Variants in OBSL1 observed in about 807,000 individuals in gnomAD.
OBSL1 encodes obscurin like cytoskeletal adaptor 1.
A neutral mutation model predicts 172.0 loss-of-function variants in OBSL1; 160 were observed. That is an observed-to-expected ratio of 0.93 (90% CI 0.82 to 1.06). The LOEUF is 1.06. OBSL1 is among the 50% of genes least tolerant of loss of function. The pLI is 0.00. For missense variants in OBSL1, 2,681 were observed against 2,715.4 expected (o/e 0.99, Z 0.28); for synonymous variants, 1,200 against 1,196.3 (o/e 1.00, Z -0.06).
chr2:219,570,710 T>C lies in OBSL1; in HGVS notation c.523A>G (p.Ser175Gly), dbSNP rs758138350. 5 of 1,510,478 alleles carry C rather than the reference T, an allele frequency of 3.3e-6. No individual in the cohort carries two copies. Among genetic ancestry groups the C allele is most frequent in the Non-Finnish European group, 4.4e-6 (5 of 1,136,060 alleles). 93.6% of individuals were successfully genotyped at this position (1,510,478 alleles called of 1,614,324 possible). The change falls in exon 1 of 21, where the codon AGC (serine) becomes GGC (glycine). Residue 175 changes from serine (S) to glycine (G), a missense_variant. By Grantham distance (56) the Ser-to-Gly change is moderately conservative. Coordinates refer to ENST00000404537, the MANE Select transcript of OBSL1 (RefSeq NM_015311.3). ...GMALDEVWDS[S>G]HFALQPGRAE... Reference sequence around the variant, plus strand: ...CGGCCCGGCTGGAGCGCGAAGTGGCTGCTGTCCCACACTTCGTCCAGGGCC... The same window carrying C: ...CGGCCCGGCTGGAGCGCGAAGTGGCCGCTGTCCCACACTTCGTCCAGGGCC...
At chr2:219,550,350 T>A (rs1381256904), downstream of OBSL1, 2 of 191,428 alleles carry the variant, frequency 1.0e-5, no homozygotes, top group Non-Finnish European at 2.2e-5. Flanking sequence ...GGGCAAACTG[T>A]AGCATCCCTC....
chr2:219,569,446 G>T (rs1016262606), intron 1 of OBSL1: 5 of 152,200 alleles, frequency 3.3e-5, no homozygotes, highest in Admixed American at 3.3e-4. Flanking sequence ...GTTACCTTCT[G>T]GTGAGTTTGG....
chr2:219,552,786 C>A (rs1035971383), intron 17 of OBSL1, 82 bp downstream of exon 17: 1 of 1,516,652 alleles, frequency 6.6e-7, no homozygotes, highest in Non-Finnish European at 8.9e-7. Flanking sequence ...GAAGCACGCG[C>A]GGTCATCAGG....
rs1370843819 is a variant in OBSL1, at chr2:219,568,648, C to T, written c.1013-324G>A. On this transcript the variant is annotated intron_variant, in intron 1 of 20. Coordinates refer to ENST00000404537, the MANE Select transcript of OBSL1 (RefSeq NM_015311.3). This position sits in a 1 kb window ranked among gnomAD's most constrained non-coding sequence, Gnocchi z 4.1. ...TTCCAAACTGTTCCCTGGGGTCCTC[C>T]AGGCCCTAGATTGGTGATTTCCAAA... is the stretch of plus-strand genomic sequence containing the variant. Among the ~76,000 whole-genome samples the T allele has an allele frequency of 2.6e-5, 4 of 152,150 alleles. No individual in the cohort carries two copies. The highest frequency in any genetic ancestry group is 5.9e-5 in the Non-Finnish European group (4 of 68,024).
At chr2:219,552,466 G>A (rs1695694436) in intron 18 of OBSL1, 70 bp downstream of exon 18, 2 of 1,461,718 alleles carry the variant, frequency 1.4e-6, no homozygotes, top group East Asian at 2.5e-5. Flanking sequence ...GGCTTGTCCC[G>A]GTGGGGCGGG....
chr2:219,547,715 G>A (rs1162466505), downstream of OBSL1: 5 of 1,579,730 alleles, frequency 3.2e-6, no homozygotes, highest in South Asian at 2.3e-5. Flanking sequence ...GCTGCTGCTC[G>A]GCCTGCTGCT....
At chr2:219,552,399 A>AGAACAGGGACGAGGC (rs1695687142) in intron 18 of OBSL1, 137 bp downstream of exon 18, 2 of 923,002 alleles carry the variant, frequency 2.2e-6, no homozygotes, top group African/African-American at 3.4e-5. Flanking sequence ...GGCGGGGGAA[A>AGAACAGGGACGAGGC]GAACAGGGAC....
intron 12 of OBSL1, 109 bp downstream of exon 12, chr2:219,557,234 T>C (rs1696081539): frequency 8.9e-7 from 1 of 1,123,860 alleles, no homozygotes; most frequent in Non-Finnish European, 1.2e-6. Flanking sequence ...CACGCACTGG[T>C]TGGAGCCAGA....
At chr2:219,569,153 T>A (rs889364831) in intron 1 of OBSL1, 5 of 151,954 alleles carry the variant, frequency 3.3e-5, no homozygotes, top group Non-Finnish European at 7.4e-5. Flanking sequence ...AGAAGCAAGT[T>A]TTTGTGTGCG....
chr2:219,553,585 T>A lies in OBSL1; in HGVS notation c.4978A>T (p.Thr1660Ser). 1 of 1,613,396 alleles carries A rather than the reference T, an allele frequency of 6.2e-7. No homozygotes were observed. The part of the protein sequence containing the change: ...CELSQALADV[T>S]WEKDGNALTP... ...GGCTGGGATCTGACCTTCTCCCAGG[T>A]AACATCAGCCAAAGCTTGGGAAAGC... Residue 1660 changes from threonine to serine, a missense_variant, in exon 16 of 21, where the codon ACC (threonine) becomes TCC (serine). Around this residue, in one of 5 missense-constraint regions of OBSL1, gnomAD observed 1,765 missense variants for 1,748.3 expected, o/e 1.01. Transcript: ENST00000404537.
Position 219,552,681 on chromosome 2 carries a change from T to A in OBSL1, c.5163A>T (p.Val1721=). The change falls in exon 18 of 21, where the codon GTA becomes GTT. Residue 1721 remains valine (V), a synonymous_variant. Coordinates refer to ENST00000404537, the MANE Select transcript of OBSL1 (RefSeq NM_015311.3). ...CGCTCACCGACCGCAGCTCGGAGAG[T>A]ACCGCCACAGTACGCTCTGGGGCGG... The part of the protein sequence containing the change: ...RLTVRERTVA[V]LSELRSVSAR... 6.5e-7 allele frequency: 1 copy of A among 1,533,048 alleles called. No individual in the cohort carries two copies. The highest frequency in any genetic ancestry group is 8.7e-7 in the Non-Finnish European group (1 of 1,143,298). The allele number at this position is 1,533,048 out of a possible 1,614,324, so 95.0% of individuals were successfully genotyped here. A position where few individuals can be genotyped will look rare whatever the true frequency, so the allele number is the denominator to read the frequency against.
Position 219,550,777 on chromosome 2 carries a change from TAAGGGCAAACGCCTTCCAAGCTGTCC to T in OBSL1, c.*32_*57del. 6.3e-7 allele frequency: 1 copy of T among 1,589,496 alleles called. No individual in the cohort carries two copies. The highest frequency in any genetic ancestry group is 8.6e-7 in the Non-Finnish European group (1 of 1,165,512). On this transcript the variant is annotated 3_prime_UTR_variant, in exon 21 of 21. Transcript: ENST00000404537. ...CTTGTCTCTCTACCCCTGCCCAGGG[TAAGGGCAAACGCCTTCCAAGCTGTCC>T]AAGGGCACCCGCCTGGCCTGGTTAG...
rs1695618323 is a variant in OBSL1 at position 219,551,643 on chromosome 2, G to A, written c.5569C>T (p.Arg1857Cys). 2 of 1,611,498 alleles carry A rather than the reference G, an allele frequency of 1.2e-6. No homozygotes were observed. Among genetic ancestry groups the A allele is most frequent in the East Asian group, 2.2e-5 (1 of 44,830 alleles). The change falls in exon 20 of 21, where the codon CGC becomes TGC. Residue 1857 changes from arginine (R) to cysteine (C), a missense_variant. Physicochemically the swap from Arg to Cys is radical, Grantham distance 180. This residue lies in a region of OBSL1 where 1,765 missense variants were observed against 1,748.3 expected (regional missense o/e 1.01). Coordinates refer to ENST00000404537, the MANE Select transcript of OBSL1 (RefSeq NM_015311.3). ...ELCPGDKYEM[R>C]SHGPTHSLVI... Reference sequence around the variant, plus strand: ...AGGCTGTGGGTGGGGCCGTGGCTGCGCATCTCATACTTATCTCCCGGGCAC... The same window carrying A: ...AGGCTGTGGGTGGGGCCGTGGCTGCACATCTCATACTTATCTCCCGGGCAC...
At position 219,550,765 on chromosome 2, in the gene OBSL1, C is replaced by G; in HGVS notation, c.*70G>C. The G allele has an allele frequency of 3.2e-6, 5 of 1,565,502 alleles. No homozygotes were observed. ...CTTTTATTGTTCCTTGTCTCTCTACCCCTGCCCAGGGTAAGGGCAAACGCC... is the reference window on the plus strand; with the variant it reads ...CTTTTATTGTTCCTTGTCTCTCTACGCCTGCCCAGGGTAAGGGCAAACGCC... On this transcript the variant is annotated 3_prime_UTR_variant, in exon 21 of 21. Transcript: ENST00000404537.
chr2:219,570,231 C>T lies in OBSL1; in HGVS notation c.1002G>A (p.Leu334=), dbSNP rs929528413. The change falls in exon 1 of 21, where the codon CTG becomes CTA. Residue 334 remains leucine, a synonymous_variant. Coordinates refer to ENST00000404537, the MANE Select transcript of OBSL1 (RefSeq NM_015311.3). ...CGGGCTCCGCCGTACCTTTCACGTG[C>T]AGCTGCACGGCACTGAGCGTCTGGC... ...SAGQTLSAVQ[L]HVKEPRLRFT... is the part of the protein sequence containing the mutation. 2 of 1,562,404 alleles carry T rather than the reference C, an allele frequency of 1.3e-6. No homozygotes were observed. The highest frequency in any genetic ancestry group is 1.7e-6 in the Non-Finnish European group (2 of 1,152,208).
intron 13 of OBSL1, 77 bp from the exon 14 acceptor site, chr2:219,556,369 C>T: frequency 2.5e-6 from 4 of 1,584,570 alleles, no homozygotes; most frequent in Non-Finnish European, 3.4e-6. Context: ...TGGTCTGTCC[C>T]TAGGTGGAGA....
chr2:219,552,002 G>A (rs908078285), intron 19 of OBSL1, 110 bp downstream of exon 19: 9 of 1,169,954 alleles, frequency 7.7e-6, no homozygotes, highest in Non-Finnish European at 1.1e-5. Flanking sequence ...AGCCCCTCGG[G>A]GGGAAGGGAA....
At chr2:219,555,851 T>G in intron 14 of OBSL1, 169 bp downstream of exon 14, 1 of 1,424,448 alleles carries the variant, frequency 7.0e-7, no homozygotes, top group South Asian at 1.7e-5. Context: ...AAATAAAAAA[T>G]ATTAGAAAAA....
chr2:219,547,439 C>G, downstream of OBSL1: 2 of 1,312,074 alleles, frequency 1.5e-6, no homozygotes, highest in South Asian at 4.9e-5. Context: ...TCCTTGACCC[C>G]TTGGACCTGC....
Sources: gnomAD v4.1 joint callset for allele counts (sites outside exome capture counted in the v4.1 genomes callset) on GRCh38, gnomAD v4.1.1 for gene constraint, gnomAD v4.1.1 regional missense constraint, Gnocchi (gnomAD v3.1) non-coding constraint, MANE v1.5 for transcripts, NCBI Gene and HGNC (gene_info 2026-07-23, HGNC 2026-07-21) for gene names.